NEMP2: variants seen among roughly 807,000 people sequenced by gnomAD.
The protein encoded by NEMP2 is UPF0571 transmembrane protein.
Under a neutral mutation model 54.2 loss-of-function variants are expected in NEMP2, and 53 were observed. That is an observed-to-expected ratio of 0.98 (90% CI 0.78 to 1.23). The LOEUF (loss-of-function observed/expected upper bound fraction) is 1.23. Ranked by LOEUF, NEMP2 falls within the 50% of genes most tolerant of loss-of-function variation. The pLI, the probability that NEMP2 is intolerant of heterozygous loss-of-function variation, is 0.00. For missense variants in NEMP2, 455 were observed against 511.3 expected, an observed-to-expected ratio of 0.89 and a Z score of 1.06; for synonymous variants, 197 against 190.3, an observed-to-expected ratio of 1.04 and a Z score of -0.29.
the NEMP2 span, among the ~76,000 whole-genome samples, chr2:190,597,003 G>A: frequency 6.6e-6 from 1 of 152,034 alleles, no homozygotes; most frequent in Non-Finnish European, 1.5e-5. This position sits in a 1 kb window ranked among gnomAD's most constrained non-coding sequence, Gnocchi z 4.7. Context: ...TGGCTCACAC[G>A]TGTATCCCAG....
chr2:190,535,979 A>T (rs1292599554), upstream of NEMP2: 21 of 152,212 alleles, frequency 1.4e-4, no homozygotes, highest in Admixed American at 7.9e-4. Flanking sequence ...AAGTAGCTAA[A>T]ATAAACAGGT....
the NEMP2 span, among the ~76,000 whole-genome samples, chr2:190,558,935 G>A: frequency 2.0e-5 from 3 of 152,136 alleles, no homozygotes; most frequent in South Asian, 6.2e-4. This position sits in a 1 kb window ranked among gnomAD's most constrained non-coding sequence, Gnocchi z 4.4. Flanking sequence ...AAAATATGAT[G>A]AAACTTTTTT....
chr2:190,469,261 T>C, the NEMP2 span, among the ~76,000 whole-genome samples: 2 of 152,218 alleles, frequency 1.3e-5, no homozygotes, highest in African/African-American at 4.8e-5. This position sits in a 1 kb window ranked among gnomAD's most constrained non-coding sequence, Gnocchi z 5.3. Flanking sequence ...AGTCTCCTTG[T>C]GAAACTGCTT....
At chr2:190,427,986 C>T in the NEMP2 span, among the ~76,000 whole-genome samples, 1 of 152,220 alleles carries the variant, frequency 6.6e-6, no homozygotes, top group African/African-American at 2.4e-5. Flanking sequence ...CTTGCCTCAG[C>T]CTCCCAAAGT....
the NEMP2 span, chr2:190,497,338 G>A: frequency 7.6e-7 from 1 of 1,322,254 alleles, no homozygotes. This position sits in a 1 kb window ranked among gnomAD's most constrained non-coding sequence, Gnocchi z 5.2. Flanking sequence ...AAGCACTCTG[G>A]AATGGGTATA....
chr2:190,620,000 C>T, the NEMP2 span, among the ~76,000 whole-genome samples: 1 of 152,170 alleles, frequency 6.6e-6, no homozygotes, highest in Non-Finnish European at 1.5e-5. This position sits in a 1 kb window ranked among gnomAD's most constrained non-coding sequence, Gnocchi z 5.5. Flanking sequence ...CCACTTAGCA[C>T]CTGGTGGTTC....
the NEMP2 span, among the ~76,000 whole-genome samples, chr2:190,428,765 T>G: frequency 6.6e-6 from 1 of 152,046 alleles, no homozygotes; most frequent in Admixed American, 6.5e-5. Context: ...CCCTGCTTCC[T>G]GGGTTCAAGT....
chr2:190,480,168 A>G, the NEMP2 span, among the ~76,000 whole-genome samples: 1 of 152,226 alleles, frequency 6.6e-6, no homozygotes. Flanking sequence ...GTCTCAAAAC[A>G]ACAACAAACA....
chr2:190,582,302 C>T, the NEMP2 span, among the ~76,000 whole-genome samples: 1 of 152,136 alleles, frequency 6.6e-6, no homozygotes, highest in Non-Finnish European at 1.5e-5. The surrounding 1 kb of genome is among the most constrained non-coding windows in gnomAD (Gnocchi z 4.6). Context: ...CTTTGACCCA[C>T]AAATAACATA....
Position 190,514,246 on chromosome 2 carries a change from C to T in NEMP2, c.953+207G>A, listed in dbSNP as rs1345223367. On this transcript the variant is annotated intron_variant, in intron 7 of 8. Coordinates refer to ENST00000409150, the MANE Select transcript of NEMP2 (RefSeq NM_001142645.2). The surrounding 1 kb of genome is among the most constrained non-coding windows in gnomAD (Gnocchi z 5.7). ...TCTAATTACCTGGTAATTGGTGGTA[C>T]AGCTCTCAACGATTAATGAAGACTA... Among the ~76,000 whole-genome samples, 1 of 152,184 alleles carries T rather than the reference C, an allele frequency of 6.6e-6. No homozygotes were observed. Among genetic ancestry groups the T allele is most frequent in the Non-Finnish European group, 1.5e-5 (1 of 68,034 alleles).
the NEMP2 span, among the ~76,000 whole-genome samples, chr2:190,596,485 T>C: frequency 2.6e-5 from 4 of 152,340 alleles, no homozygotes; most frequent in Non-Finnish European, 5.9e-5. The surrounding 1 kb of genome is among the most constrained non-coding windows in gnomAD (Gnocchi z 5.1). Context: ...CATGGACATA[T>C]CTATCAGCAG....
At chr2:190,574,791 T>G in the NEMP2 span, among the ~76,000 whole-genome samples, 1 of 122,470 alleles carries the variant, frequency 8.2e-6, no homozygotes, top group Non-Finnish European at 1.7e-5. Flanking sequence ...TTCCCTCCCT[T>G]CCCTCCCTTC....
chr2:190,573,587 G>GT, the NEMP2 span, among the ~76,000 whole-genome samples: 1 of 152,176 alleles, frequency 6.6e-6, no homozygotes, highest in Non-Finnish European at 1.5e-5. Context: ...AGATGGCAGA[G>GT]TGGAGCCTCA....
At chr2:190,570,614 A>G in the NEMP2 span, among the ~76,000 whole-genome samples, 1 of 151,776 alleles carries the variant, frequency 6.6e-6, no homozygotes, top group Non-Finnish European at 1.5e-5. The surrounding 1 kb of genome is among the most constrained non-coding windows in gnomAD (Gnocchi z 5.4). Context: ...AACAGGATGG[A>G]GGAGGAGAAG....
the NEMP2 span, among the ~76,000 whole-genome samples, chr2:190,576,738 G>A: frequency 6.6e-6 from 1 of 152,158 alleles, no homozygotes; most frequent in Non-Finnish European, 1.5e-5. Context: ...GTAAAACCCA[G>A]TCCAAAGATA....
chr2:190,465,679 C>T, the NEMP2 span, among the ~76,000 whole-genome samples: 1 of 152,262 alleles, frequency 6.6e-6, no homozygotes, highest in South Asian at 2.1e-4. The surrounding 1 kb of genome is among the most constrained non-coding windows in gnomAD (Gnocchi z 4.6). Context: ...CAAAGTACCA[C>T]GGTCTGGGTG....
At chr2:190,458,517 G>A in the NEMP2 span, among the ~76,000 whole-genome samples, 2 of 152,176 alleles carry the variant, frequency 1.3e-5, no homozygotes, top group Non-Finnish European at 2.9e-5. The surrounding 1 kb of genome is among the most constrained non-coding windows in gnomAD (Gnocchi z 5.3). Context: ...AAGCCACCCA[G>A]TCTGTGGTAT....
the NEMP2 span, among the ~76,000 whole-genome samples, chr2:190,587,886 T>A: frequency 1.3e-5 from 2 of 152,174 alleles, no homozygotes; most frequent in African/African-American, 4.8e-5. This position sits in a 1 kb window ranked among gnomAD's most constrained non-coding sequence, Gnocchi z 5.4. Flanking sequence ...CTCAAATTTC[T>A]CCCACTGTAA....
Position 190,527,166 on chromosome 2 carries a change from A to T in NEMP2, c.98-1788T>A, listed in dbSNP as rs889562174. Among the ~76,000 whole-genome samples, 4 of 152,200 alleles carry T rather than the reference A, an allele frequency of 2.6e-5. No homozygotes were observed. The highest frequency in any genetic ancestry group is 5.9e-5 in the Non-Finnish European group (4 of 68,032). On this transcript the variant is annotated intron_variant, in intron 1 of 8. Transcript: ENST00000409150. This position sits in a 1 kb window ranked among gnomAD's most constrained non-coding sequence, Gnocchi z 4.0. ...CATCCAACCCCTGACTCCTTTAAGG[A>T]AAGTGTGGTCAGTTGTTCCTCCTGA...
Sources: gnomAD v4.1 joint callset for allele counts (sites outside exome capture counted in the v4.1 genomes callset) on GRCh38, gnomAD v4.1.1 for gene constraint, Gnocchi (gnomAD v3.1) non-coding constraint, MANE v1.5 for transcripts, NCBI Gene and HGNC (gene_info 2026-07-23, HGNC 2026-07-21) for gene names.